Variants in LSM14A observed in about 807,000 individuals in gnomAD.
The protein encoded by LSM14A is protein LSM14 homolog A.
In LSM14A, 14 loss-of-function variants were observed where a neutral mutation model predicts 52.4. The observed-to-expected ratio is 0.27, with a 90% confidence interval of 0.18 to 0.42. LSM14A has a LOEUF of 0.42. Among genes scored for constraint, LSM14A ranks in the 10% least tolerant of loss-of-function variants. The pLI, the probability that LSM14A is intolerant of heterozygous loss-of-function variation, is 1.00. For missense variants in LSM14A, 417 were observed against 581.8 expected (o/e 0.72, Z 2.91); for synonymous variants, 185 against 200.3 (o/e 0.92, Z 0.64).
chr19:34,227,448 A>T lies in LSM14A; in HGVS notation c.*60A>T, dbSNP rs2073400980. ...TAGCTCTTCATGGTCCTGAACATTG[A>T]TTTCAGTCTTTGCAAAGAATGAAGA... On this transcript the variant is annotated 3_prime_UTR_variant, in exon 10 of 10. Transcript: ENST00000544216. 3.1e-6 allele frequency: 4 copies of T among 1,282,286 alleles called. No individual in the cohort carries two copies. In the South Asian group the frequency reaches 5.7e-5, roughly 18 times the overall value. 79.4% of individuals were successfully genotyped at this position (1,282,286 alleles called of 1,614,324 possible). A position where few individuals can be genotyped will look rare whatever the true frequency, so the allele number is the denominator to read the frequency against.
chr19:34,202,849 G>A lies in LSM14A; in HGVS notation c.416-6080G>A, dbSNP rs377627135. 7.1e-4 allele frequency among the ~76,000 whole-genome samples: 108 copies of A among 152,180 alleles called. 1 individual carries two copies. In the East Asian group the frequency reaches 9.9e-3, roughly 14 times the overall value. On this transcript the variant is annotated intron_variant, in intron 3 of 9. Coordinates refer to ENST00000544216, the MANE Select transcript of LSM14A (RefSeq NM_015578.4). ...TTTTGTATTTTTTTTAGTAGAGACG[G>A]GGTTTCACCGTGTTAGCCAGGATGG... is the stretch of plus-strand genomic sequence containing the variant.
intron 3 of LSM14A, among the ~76,000 whole-genome samples, chr19:34,207,917 A>G (rs762334188): frequency 1.3e-5 from 2 of 152,160 alleles, no homozygotes; most frequent in Non-Finnish European, 2.9e-5. Flanking sequence ...CCTAAAGACC[A>G]TGTGAAGTGA....
chr19:34,218,521 T>G (rs2072839341), intron 6 of LSM14A, among the ~76,000 whole-genome samples: 1 of 152,230 alleles, frequency 6.6e-6, no homozygotes, highest in African/African-American at 2.4e-5. Context: ...CTGTAGTCAC[T>G]TCTCATCCTT....
chr19:34,201,754 T>G (rs923041371), intron 3 of LSM14A, among the ~76,000 whole-genome samples: 1 of 152,224 alleles, frequency 6.6e-6, no homozygotes, highest in African/African-American at 2.4e-5. Context: ...TGGATCACAG[T>G]ATTGCTATTT....
rs981318845 is a variant in LSM14A, at chr19:34,229,117, G to A, written c.*1729G>A. 4 of 152,164 alleles carry A rather than the reference G, an allele frequency of 2.6e-5. No individual in the cohort carries two copies. The highest frequency in any genetic ancestry group is 4.4e-5 in the Non-Finnish European group (3 of 68,036). The allele number at this position is 152,164 out of a possible 1,614,324, so 9.4% of individuals were successfully genotyped here. A position where few individuals can be genotyped will look rare whatever the true frequency, so the allele number is the denominator to read the frequency against. ...TCAAGAAAGAAAACTGTAAATACTA[G>A]TTCTACTTGCTCTGAAATTATGAGT... On this transcript the variant is annotated 3_prime_UTR_variant, in exon 10 of 10. Coordinates refer to ENST00000544216, the MANE Select transcript of LSM14A (RefSeq NM_015578.4).
chr19:34,205,444 C>A (rs1265221097), intron 3 of LSM14A, among the ~76,000 whole-genome samples: 1 of 139,298 alleles, frequency 7.2e-6, no homozygotes, highest in Non-Finnish European at 1.5e-5. Flanking sequence ...CGAGATCACA[C>A]CATTGAACTC....
At chr19:34,215,787 G>A (rs2072538686) in intron 6 of LSM14A, 126 bp downstream of exon 6, 1 of 679,176 alleles carries the variant, frequency 1.5e-6, no homozygotes, top group Non-Finnish European at 2.5e-6. Context: ...AGGAGCACAG[G>A]GGAGTGTCAC....
In LSM14A at chr19:34,213,342, A is replaced by G. The variant is rs532809784; in HGVS notation, c.539-1782A>G. On this transcript the variant is annotated intron_variant, in intron 4 of 9. Transcript: ENST00000544216. ...TGTGTCGGTTTCTGGGTTTTGATAA[A>G]TGATCATTTATTTGGCTAACTTTGC... 3.9e-5 allele frequency among the ~76,000 whole-genome samples: 6 copies of G among 152,342 alleles called. No individual in the cohort carries two copies. In the East Asian group the frequency reaches 1.2e-3, roughly 29 times the overall value.
At chr19:34,215,392 G>A in intron 5 of LSM14A, 92 bp downstream of exon 5, 1 of 1,293,544 alleles carries the variant, frequency 7.7e-7, no homozygotes, top group Admixed American at 2.7e-5. Context: ...TCATGTGAAT[G>A]ATCCCAGAAA....
At chr19:34,202,160 G>T (rs541110045) in intron 3 of LSM14A, among the ~76,000 whole-genome samples, 2 of 142,702 alleles carry the variant, frequency 1.4e-5, no homozygotes, top group African/African-American at 2.6e-5. Flanking sequence ...TTGGTTGGTT[G>T]GTTTGGTTTT....
intron 9 of LSM14A, among the ~76,000 whole-genome samples, chr19:34,222,684 C>G (rs2073129533): frequency 6.6e-6 from 1 of 152,132 alleles, no homozygotes; most frequent in Non-Finnish European, 1.5e-5. Context: ...TTTGGACCTG[C>G]TCTATTAATT....
In LSM14A at chr19:34,219,789, A is replaced by C. The variant is rs754871945; in HGVS notation, c.1048A>C (p.Asn350His). The change falls in exon 8 of 10, where the codon AAT (asparagine) becomes CAT (histidine). Residue 350 changes from asparagine to histidine, a missense_variant. Asn to His is a moderately conservative substitution (Grantham distance 68, BLOSUM62 1). Coordinates refer to ENST00000544216, the MANE Select transcript of LSM14A (RefSeq NM_015578.4). The stretch of plus-strand genomic sequence containing the variant: ...AGTTGATACCCAAAACAGTGAAGGA[A>C]ATGCCGATGAAGAAGATCCACTTGG... ...SGVDTQNSEG[N>H]ADEEDPLGPN... 125 of 1,613,478 alleles carry C rather than the reference A, an allele frequency of 7.7e-5. No individual in the cohort carries two copies. Among genetic ancestry groups the C allele is most frequent in the Middle Eastern group, 3.3e-4 (2 of 6,084 alleles).
Position 34,227,428 on chromosome 19 carries a change from C to A in LSM14A, c.*40C>A. On this transcript the variant is annotated 3_prime_UTR_variant, in exon 10 of 10. Transcript: ENST00000544216. ...TCTGAAAATAGGTGAATTTCTAGCT[C>A]TTCATGGTCCTGAACATTGATTTCA... 6.7e-7 allele frequency: 1 copy of A among 1,483,806 alleles called. No individual in the cohort carries two copies. Among genetic ancestry groups the A allele is most frequent in the Non-Finnish European group, 9.2e-7 (1 of 1,081,484 alleles). 91.9% of individuals were successfully genotyped at this position (1,483,806 alleles called of 1,614,324 possible).
intron 9 of LSM14A, chr19:34,226,481 C>G: frequency 6.8e-7 from 1 of 1,461,044 alleles, no homozygotes; most frequent in Non-Finnish European, 9.1e-7. Flanking sequence ...AAAACAAATA[C>G]TTTGGGAGGT....
chr19:34,226,331 C>CTT, intron 9 of LSM14A: 1 of 1,371,664 alleles, frequency 7.3e-7, no homozygotes, highest in Non-Finnish European at 9.8e-7. Context: ...TCCTCTCCCC[C>CTT]TTTCATTTTC....
Position 34,185,072 on chromosome 19 carries a change from C to G in LSM14A, c.122-9406C>G, listed in dbSNP as rs552812349. On this transcript the variant is annotated intron_variant, in intron 1 of 9. Transcript: ENST00000544216. ...ATCACTCTCTAAAATTTCAAATTGC[C>G]TTTTTGGTTTTATAAGGACAAGATG... 7.2e-5 allele frequency among the ~76,000 whole-genome samples: 11 copies of G among 152,230 alleles called. No homozygotes were observed. The East Asian group carries it at 2.1e-3, about 29-fold the overall frequency.
Position 34,197,442 on chromosome 19 carries a change from T to A in LSM14A, c.415+679T>A, listed in dbSNP as rs542792944. Among the ~76,000 whole-genome samples the A allele has an allele frequency of 5.0e-5, 7 of 138,996 alleles. No individual in the cohort carries two copies. In the South Asian group the frequency reaches 1.7e-3, roughly 34 times the overall value. The allele number at this position is 138,996 out of a possible 152,430, so 91.2% of individuals were successfully genotyped here. On this transcript the variant is annotated intron_variant, in intron 3 of 9. Coordinates refer to ENST00000544216, the MANE Select transcript of LSM14A (RefSeq NM_015578.4). ...TTTAATTTCTTTTTCTTTTTTTTTTTTTTTTTTTTTTTCTGAGGCAGAGTC... is the reference window on the plus strand; with the variant it reads ...TTTAATTTCTTTTTCTTTTTTTTTTATTTTTTTTTTTTCTGAGGCAGAGTC...
chr19:34,198,209 A>T (rs2071013447), intron 3 of LSM14A, among the ~76,000 whole-genome samples: 1 of 152,226 alleles, frequency 6.6e-6, no homozygotes, highest in South Asian at 2.1e-4. Context: ...AATAAGTTTT[A>T]TTAAAATTGT....
chr19:34,205,037 C>T (rs1269554818), intron 3 of LSM14A, among the ~76,000 whole-genome samples: 2 of 152,036 alleles, frequency 1.3e-5, no homozygotes, highest in Non-Finnish European at 2.9e-5. Context: ...GAGGCGGAGG[C>T]AGGAGAATCA....
Sources: gnomAD v4.1 joint callset for allele counts (sites outside exome capture counted in the v4.1 genomes callset) on GRCh38, gnomAD v4.1.1 for gene constraint, MANE v1.5 for transcripts, NCBI Gene and HGNC (gene_info 2026-07-23, HGNC 2026-07-21) for gene names.